The following ADAMTSL1 variants were observed in gnomAD, a reference collection of about 807,000 sequenced individuals.
ADAMTSL1 encodes the protein ADAMTS-like protein 1.
ADAMTSL1 carries 126 observed loss-of-function variants against 201.8 expected under a neutral mutation model. The ratio of observed to expected loss-of-function variants is 0.62; its 90% CI spans 0.54 to 0.72. ADAMTSL1 has a LOEUF of 0.72. Among genes scored for constraint, ADAMTSL1 ranks in the 30% least tolerant of loss-of-function variants. ADAMTSL1 has a pLI of 0.00. For missense variants in ADAMTSL1, 2,679 were observed against 2,277.8 expected (o/e 1.18, Z -3.59); for synonymous variants, 1,121 against 903.4 (o/e 1.24, Z -4.32).
intron 15 of ADAMTSL1, among the ~76,000 whole-genome samples, chr9:18,750,763 C>G (rs1428082881): frequency 6.6e-6 from 1 of 152,160 alleles, no homozygotes; most frequent in Non-Finnish European, 1.5e-5. Flanking sequence ...ACAGGCAGTT[C>G]TGGCTTGAGG....
intron 2 of ADAMTSL1, among the ~76,000 whole-genome samples, chr9:18,221,822 G>C (rs1307088458): frequency 6.6e-6 from 1 of 151,840 alleles, no homozygotes; most frequent in Admixed American, 6.6e-5. Context: ...GGGGTTGGTG[G>C]CATTTTCATA....
chr9:17,938,276 C>T (rs1421601271), intron 1 of ADAMTSL1, among the ~76,000 whole-genome samples: 1 of 152,004 alleles, frequency 6.6e-6, no homozygotes, highest in Non-Finnish European at 1.5e-5. Flanking sequence ...GCACAAGGGC[C>T]TTATGTGCAA....
In ADAMTSL1 at chr9:18,655,806, T is replaced by TAAAAAAAAAAAAAAAA. The variant is rs56662538; in HGVS notation, c.835-1817_835-1802dup. On this transcript the variant is annotated intron_variant, in intron 7 of 28. Transcript: ENST00000380548. Reference sequence around the variant, plus strand: ...AGAGAGCTAGAGGCTTTTGTGAGCTTAAAAAAAAAAAAAAAAAAAAAAAAA... The same window carrying TAAAAAAAAAAAAAAAA: ...AGAGAGCTAGAGGCTTTTGTGAGCTTAAAAAAAAAAAAAAAAAAAAAAAAAAAAAAAAAAAAAAAAA... 1.3e-3 allele frequency among the ~76,000 whole-genome samples: 110 copies of TAAAAAAAAAAAAAAAA among 81,840 alleles called. 4 individuals are homozygous for TAAAAAAAAAAAAAAAA. Among genetic ancestry groups the TAAAAAAAAAAAAAAAA allele is most frequent in the African/African-American group, 3.0e-3 (46 of 15,108 alleles). 53.7% of individuals were successfully genotyped at this position (81,840 alleles called of 152,430 possible). A position where few individuals can be genotyped will look rare whatever the true frequency, so the allele number is the denominator to read the frequency against.
At chr9:17,985,540 G>T (rs573818306) in intron 1 of ADAMTSL1, among the ~76,000 whole-genome samples, 3 of 152,144 alleles carry the variant, frequency 2.0e-5, no homozygotes, top group African/African-American at 7.2e-5. Flanking sequence ...GACTTGACAG[G>T]CAGCATATAA....
chr9:18,411,939 C>G (rs1368050947), intron 2 of ADAMTSL1, among the ~76,000 whole-genome samples: 1 of 152,178 alleles, frequency 6.6e-6, no homozygotes, highest in East Asian at 1.9e-4. Flanking sequence ...CTCTCCACAT[C>G]ATTATCTAAG....
intron 2 of ADAMTSL1, among the ~76,000 whole-genome samples, chr9:18,467,258 C>T (rs1025718070): frequency 6.6e-5 from 10 of 152,082 alleles, no homozygotes; most frequent in Non-Finnish European, 1.2e-4. Flanking sequence ...GAAAACTGAA[C>T]TATTACTATT....
At chr9:18,213,414 T>A (rs1829952378) in intron 2 of ADAMTSL1, among the ~76,000 whole-genome samples, 1 of 152,176 alleles carries the variant, frequency 6.6e-6, no homozygotes, top group Non-Finnish European at 1.5e-5. Context: ...AGTCCTAAGT[T>A]GCAAACTCCC....
chr9:18,338,462 T>A (rs1835339268), intron 2 of ADAMTSL1, among the ~76,000 whole-genome samples: 1 of 152,138 alleles, frequency 6.6e-6, no homozygotes, highest in Non-Finnish European at 1.5e-5. Flanking sequence ...GCTTTTGTTT[T>A]TTTGAGACAA....
chr9:18,069,672 T>C lies in ADAMTSL1; in HGVS notation c.88-94190T>C, dbSNP rs80306809. ...CTGAAGTGTTTATTTATTTTGACAA[T>C]ACTGTGATCTGATTGGATTTATCTT... On this transcript the variant is annotated intron_variant, in intron 1 of 29. Transcript: ENST00000680146. 4.9e-3 allele frequency among the ~76,000 whole-genome samples: 750 copies of C among 152,306 alleles called. 4 individuals carry two copies. Among genetic ancestry groups the C allele is most frequent in the Middle Eastern group, 0.01 (3 of 294 alleles).
chr9:18,211,912 G>C (rs1829886746), intron 2 of ADAMTSL1, among the ~76,000 whole-genome samples: 1 of 152,184 alleles, frequency 6.6e-6, no homozygotes, highest in African/African-American at 2.4e-5. Context: ...GCTACAAACT[G>C]TGGGACTTCA....
rs555165757 is a variant in ADAMTSL1 at position 18,096,086 on chromosome 9, C to A, written c.88-67776C>A. Reference sequence around the variant, plus strand: ...GTCAGTCAATTACATTCTTTCTTATCCTTTATTATACAACAACAGTCTTAG... The same window carrying A: ...GTCAGTCAATTACATTCTTTCTTATACTTTATTATACAACAACAGTCTTAG... On this transcript the variant is annotated intron_variant, in intron 1 of 29. Transcript: ENST00000680146. Among the ~76,000 whole-genome samples the A allele has an allele frequency of 8.9e-4, 136 of 152,240 alleles. 1 individual carries two copies. Among genetic ancestry groups the A allele is most frequent in the Non-Finnish European group, 1.5e-3 (104 of 68,028 alleles).
chr9:18,754,379 A>G (rs1422685260), intron 16 of ADAMTSL1, among the ~76,000 whole-genome samples: 2 of 152,208 alleles, frequency 1.3e-5, no homozygotes, highest in African/African-American at 4.8e-5. Flanking sequence ...ATTGCATACA[A>G]TCTTATTTTG....
chr9:17,937,671 T>C (rs1465651439), intron 1 of ADAMTSL1, among the ~76,000 whole-genome samples: 1 of 152,168 alleles, frequency 6.6e-6, no homozygotes, highest in Non-Finnish European at 1.5e-5. Context: ...GTGAGGTTAG[T>C]TGAGAATTGG....
intron 21 of ADAMTSL1, among the ~76,000 whole-genome samples, chr9:18,819,627 C>T (rs1239330800): frequency 2.6e-5 from 4 of 152,186 alleles, no homozygotes; most frequent in Admixed American, 2.0e-4. Flanking sequence ...CTCTCTGGGA[C>T]TTCATCCAGA....
intron 1 of ADAMTSL1, among the ~76,000 whole-genome samples, chr9:18,149,154 G>T (rs758961872): frequency 6.6e-6 from 1 of 152,016 alleles, no homozygotes; most frequent in African/African-American, 2.4e-5. Flanking sequence ...TAGAAACTGG[G>T]AGATGAACCA....
intron 26 of ADAMTSL1, among the ~76,000 whole-genome samples, chr9:18,895,468 G>A (rs900881480): frequency 1.5e-5 from 2 of 131,062 alleles, no homozygotes; most frequent in Non-Finnish European, 3.1e-5. Flanking sequence ...TCTTAACAAC[G>A]TGGCAGCCAC....
At chr9:18,232,156 C>T (rs985404790) in intron 2 of ADAMTSL1, among the ~76,000 whole-genome samples, 2 of 152,194 alleles carry the variant, frequency 1.3e-5, no homozygotes, top group African/African-American at 4.8e-5. Flanking sequence ...TGATTTTCCT[C>T]CTATTCTTCT....
At chr9:18,672,076 G>C (rs1052799767) in intron 9 of ADAMTSL1, among the ~76,000 whole-genome samples, 1 of 151,790 alleles carries the variant, frequency 6.6e-6, no homozygotes, top group African/African-American at 2.4e-5. Context: ...ACAGAACCCC[G>C]GTAAATTAGG....
intron 4 of ADAMTSL1, among the ~76,000 whole-genome samples, chr9:18,621,020 C>G (rs997564073): frequency 6.6e-6 from 1 of 152,240 alleles, no homozygotes; most frequent in East Asian, 1.9e-4. Flanking sequence ...AGCCTCAATC[C>G]TCTGGTCATA....
Sources: gnomAD v4.1 joint callset for allele counts (sites outside exome capture counted in the v4.1 genomes callset) on GRCh38, gnomAD v4.1.1 for gene constraint, MANE v1.5 for transcripts, NCBI Gene and HGNC (gene_info 2026-07-23, HGNC 2026-07-21) for gene names.